NAALAD2: variants seen among roughly 807,000 people sequenced by gnomAD.
NAALAD2 encodes the protein N-acetylated-alpha-linked acidic dipeptidase 2.
A neutral mutation model predicts 95.6 loss-of-function variants in NAALAD2; 89 were observed. The observed-to-expected ratio is 0.93, with a 90% CI of 0.78 to 1.11. The LOEUF (loss-of-function observed/expected upper bound fraction) is 1.11. Ranked by LOEUF, NAALAD2 falls within the 50% of genes least tolerant of loss-of-function variation. The pLI, the probability that NAALAD2 is intolerant of heterozygous loss-of-function variation, is 0.00. For missense variants in NAALAD2, 894 were observed against 872.4 expected (o/e 1.02, Z -0.31); for synonymous variants, 264 against 294.4 (o/e 0.90, Z 1.06).
At chr11:90,142,786 T>C (rs1173351815) in intron 2 of NAALAD2, among the ~76,000 whole-genome samples, 3 of 152,124 alleles carry the variant, frequency 2.0e-5, no homozygotes, top group African/African-American at 7.2e-5. Flanking sequence ...TCTGTACCTT[T>C]ACTCATTTTC....
chr11:90,158,349 A>G (rs768531521), intron 7 of NAALAD2, 111 bp downstream of exon 7: 1 of 746,476 alleles, frequency 1.3e-6, no homozygotes, highest in Non-Finnish European at 2.3e-6. Context: ...TTATAACTAA[A>G]TAACTCCTGA....
chr11:90,181,676 C>T lies in NAALAD2; in HGVS notation c.1915C>T (p.Arg639Ter), dbSNP rs148500548. The change falls in exon 17 of 19, where the codon CGA (arginine) becomes TGA (stop). Residue 639 changes from arginine (R) to a stop codon, truncating the protein, a stop_gained. Transcript: ENST00000534061. LOFTEE classifies it high-confidence loss of function. ...AGAGGCTGCTTCAGATTTTCATAAACGACTTATACAAGTTGATCTTAACAA... is the reference window on the plus strand; with the variant it reads ...AGAGGCTGCTTCAGATTTTCATAAATGACTTATACAAGTTGATCTTAACAA... The part of the protein sequence containing the change: ...FSEAASDFHK[R>*]LIQVDLNNPI... 11 of 1,601,340 alleles carry T rather than the reference C, an allele frequency of 6.9e-6. No homozygotes were observed. Among genetic ancestry groups the T allele is most frequent in the South Asian group, 4.5e-5 (4 of 89,434 alleles).
At position 90,152,283 on chromosome 11, in the gene NAALAD2, A is replaced by G. The variant is rs916730180; in HGVS notation, c.610-15A>G. ...TTGCCATATCTGCATTATGAATTGC[A>G]CATTGCCCCTGCAGGTTAAAAATGC... On this transcript the variant is annotated splice_polypyrimidine_tract_variant and intron_variant, in intron 5 of 18. Coordinates refer to ENST00000534061, the MANE Select transcript of NAALAD2 (RefSeq NM_005467.4). 1 of 1,574,854 alleles carries G rather than the reference A, an allele frequency of 6.3e-7. No homozygotes were observed. Among genetic ancestry groups the G allele is most frequent in the Non-Finnish European group, 8.7e-7 (1 of 1,151,852 alleles).
upstream of NAALAD2, among the ~76,000 whole-genome samples, chr11:90,132,671 C>G (rs994698712): frequency 6.6e-6 from 1 of 152,070 alleles, no homozygotes; most frequent in African/African-American, 2.4e-5. Flanking sequence ...ATTCTGAGTG[C>G]TCTTGGAAAA....
At position 90,180,066 on chromosome 11, in the gene NAALAD2, G is replaced by GATGA. The variant is rs5793435; in HGVS notation, c.1859-1527_1859-1524dup. On this transcript the variant is annotated intron_variant, in intron 16 of 18. Transcript: ENST00000534061. ...TTAGTGTAGGAATGAAGGTATAATT[G>GATGA]ATGAATGAATGAATGAATGAATGAA... Among the ~76,000 whole-genome samples, 609 of 150,688 alleles carry GATGA rather than the reference G, an allele frequency of 4.0e-3. 4 individuals are homozygous for GATGA. Among genetic ancestry groups the GATGA allele is most frequent in the African/African-American group, 0.013 (519 of 40,974 alleles).
chr11:90,165,776 T>C (rs560859538), intron 11 of NAALAD2, among the ~76,000 whole-genome samples: 2 of 152,348 alleles, frequency 1.3e-5, no homozygotes, highest in South Asian at 4.1e-4. Context: ...CATTTGCTTT[T>C]AGAAACATGC....
At chr11:90,171,982 CAAAAAAAGAAAGAAAAGAA>C (rs1466811912) in intron 13 of NAALAD2, among the ~76,000 whole-genome samples, 1 of 144,560 alleles carries the variant, frequency 6.9e-6, no homozygotes, top group Non-Finnish European at 1.5e-5. Flanking sequence ...GAAATCCTGA[CAAAAAAAGAAAGAAAAGAA>C]AAAAGAAAGA....
intron 16 of NAALAD2, among the ~76,000 whole-genome samples, chr11:90,179,587 A>G (rs1306338907): frequency 6.6e-6 from 1 of 152,210 alleles, no homozygotes; most frequent in African/African-American, 2.4e-5. Context: ...CAATTGGAGT[A>G]TCTCTGCAGT....
chr11:90,154,881 T>A (rs1319938327), intron 6 of NAALAD2, among the ~76,000 whole-genome samples: 1 of 108,764 alleles, frequency 9.2e-6, no homozygotes, highest in Non-Finnish European at 1.8e-5. Flanking sequence ...TACGTATACA[T>A]AATATATGTA....
At chr11:90,182,886 G>A (rs781136666) in intron 17 of NAALAD2, 30 bp from the exon 18 acceptor site, 27 of 1,454,366 alleles carry the variant, frequency 1.9e-5, no homozygotes, top group African/African-American at 2.8e-5. Flanking sequence ...TGCGGTTTGC[G>A]TTATAATTAT....
chr11:90,184,806 C>G (rs1211802917), intron 18 of NAALAD2, among the ~76,000 whole-genome samples: 1 of 151,712 alleles, frequency 6.6e-6, no homozygotes, highest in Non-Finnish European at 1.5e-5. Flanking sequence ...ATAGTCAGCC[C>G]TCTGTATCTG....
In NAALAD2 at chr11:90,156,725, T is replaced by A. The variant is rs887270829; in HGVS notation, c.797-1420T>A. ...CCCAGCCTCCCAAGTTAGCTGGAAC[T>A]ATAGGCATGTGACACCATGCCCAGC... is the stretch of plus-strand genomic sequence containing the variant. On this transcript the variant is annotated intron_variant, in intron 6 of 18. Coordinates refer to ENST00000534061, the MANE Select transcript of NAALAD2 (RefSeq NM_005467.4). Among the ~76,000 whole-genome samples, 6 of 152,228 alleles carry A rather than the reference T, an allele frequency of 3.9e-5. No individual in the cohort carries two copies. The South Asian group carries it at 1.2e-3, about 32-fold the overall frequency.
At chr11:90,167,067 C>T (rs906207904) in intron 11 of NAALAD2, among the ~76,000 whole-genome samples, 3 of 152,340 alleles carry the variant, frequency 2.0e-5, no homozygotes, top group South Asian at 2.1e-4. Flanking sequence ...GGCGCCTCCT[C>T]GGCCTTGGCG....
At chr11:90,181,724 T>C in intron 17 of NAALAD2, 23 bp downstream of exon 17, 1 of 1,381,788 alleles carries the variant, frequency 7.2e-7, no homozygotes, top group Non-Finnish European at 9.8e-7. Flanking sequence ...TCCCTTTTTT[T>C]TTAAAAAAAA....
intron 7 of NAALAD2, chr11:90,158,626 T>C (rs537983474): frequency 2.9e-4 from 52 of 178,986 alleles, no homozygotes; most frequent in African/African-American, 1.2e-3. Flanking sequence ...TTGCTTAAAC[T>C]TTCTCCAGCT....
rs181489074 is a variant in NAALAD2 at position 90,188,670 on chromosome 11, G to A, written c.2034-2888G>A. On this transcript the variant is annotated intron_variant, in intron 18 of 18. Transcript: ENST00000534061. Reference sequence around the variant, plus strand: ...CACTAGAAATTAAGTTTCAACATACGAATTTGGGGAATGAACACATTCAGA... The same window carrying A: ...CACTAGAAATTAAGTTTCAACATACAAATTTGGGGAATGAACACATTCAGA... Among the ~76,000 whole-genome samples the A allele has an allele frequency of 1.1e-4, 17 of 152,278 alleles. No individual in the cohort carries two copies. In the East Asian group the frequency reaches 2.3e-3, roughly 21 times the overall value.
chr11:90,138,986 T>C (rs994466241), intron 2 of NAALAD2, among the ~76,000 whole-genome samples: 6 of 151,998 alleles, frequency 3.9e-5, no homozygotes, highest in African/African-American at 1.4e-4. Context: ...TGACAGTCCT[T>C]TCCATAGAGT....
chr11:90,142,443 T>C (rs1465092303), intron 2 of NAALAD2, among the ~76,000 whole-genome samples: 1 of 152,164 alleles, frequency 6.6e-6, no homozygotes, highest in Non-Finnish European at 1.5e-5. Context: ...TTAAGTCTAT[T>C]TTATTTCATA....
intron 6 of NAALAD2, among the ~76,000 whole-genome samples, chr11:90,155,846 T>C (rs1040034760): frequency 2.2e-5 from 1 of 44,508 alleles, no homozygotes; most frequent in Non-Finnish European, 3.6e-5. Flanking sequence ...ATATATATGT[T>C]ATATATATTA....
Sources: allele counts gnomAD v4.1 joint callset (sites outside exome capture counted in the v4.1 genomes callset), GRCh38; gene constraint gnomAD v4.1.1; transcripts MANE v1.5; gene names NCBI Gene and HGNC (gene_info 2026-07-23, HGNC 2026-07-21).